CYB5D2: variants seen among roughly 807,000 people sequenced by gnomAD.
CYB5D2 encodes the protein neuferricin.
In CYB5D2, 23 loss-of-function variants were observed where a neutral mutation model predicts 22.8. The observed-to-expected ratio is 1.01, with a 90% confidence interval of 0.73 to 1.43. CYB5D2 has a LOEUF of 1.43. CYB5D2 is among the 40% of genes most tolerant of loss of function. CYB5D2 has a pLI of 0.00. For missense variants in CYB5D2, 373 were observed against 357.2 expected (o/e 1.04, Z -0.36); for synonymous variants, 170 against 152.2 (o/e 1.12, Z -0.86).
chr17:4,156,910 A>AT lies in CYB5D2; in HGVS notation c.624dup (p.Lys209Ter). ...TGGATTGGCGTCCCCAGGAAGCTGT[A>AT]TAAGCCAGGTGCTAAGGAGCCCCGC... is the stretch of plus-strand genomic sequence containing the variant. On this transcript the variant is annotated frameshift_variant, in exon 4 of 4. Transcript: ENST00000301391. LOFTEE classifies it high-confidence loss of function. The AT allele has an allele frequency of 2.5e-6, 4 of 1,612,848 alleles. No homozygotes were observed. Among genetic ancestry groups the AT allele is most frequent in the Non-Finnish European group, 3.4e-6 (4 of 1,180,032 alleles).
chr17:4,148,149 A>C (rs1307977408), intron 1 of CYB5D2, among the ~76,000 whole-genome samples: 1 of 152,198 alleles, frequency 6.6e-6, no homozygotes, highest in Non-Finnish European at 1.5e-5. Context: ...GGAGACAGGC[A>C]GACTGACACA....
At chr17:4,154,613 C>G in intron 2 of CYB5D2, 61 bp from the exon 3 acceptor site, 1 of 1,556,648 alleles carries the variant, frequency 6.4e-7, no homozygotes, top group Non-Finnish European at 8.7e-7. Context: ...TGTGCCTTCC[C>G]ACACCTGCCT....
chr17:4,154,348 C>T (rs760130418), intron 2 of CYB5D2, among the ~76,000 whole-genome samples: 11 of 152,316 alleles, frequency 7.2e-5, no homozygotes, highest in Non-Finnish European at 1.5e-4. Context: ...ATTGAATACC[C>T]AGCGTGTGCT....
At chr17:4,148,551 T>G (rs915465807) in intron 1 of CYB5D2, among the ~76,000 whole-genome samples, 1 of 146,686 alleles carries the variant, frequency 6.8e-6, no homozygotes, top group Non-Finnish European at 1.5e-5. Flanking sequence ...GGAACTGCAT[T>G]CCCCAGGCTG....
At chr17:4,155,012 A>G (rs993011459) in intron 3 of CYB5D2, 152 bp downstream of exon 3, 11 of 880,380 alleles carry the variant, frequency 1.2e-5, no homozygotes, top group East Asian at 2.8e-5. Flanking sequence ...TTGGCTGCAT[A>G]TTAGATCTTC....
chr17:4,150,611 G>A (rs561661299), intron 2 of CYB5D2, among the ~76,000 whole-genome samples: 11 of 152,290 alleles, frequency 7.2e-5, no homozygotes, highest in Admixed American at 2.0e-4. Context: ...TAGGCCCGGC[G>A]CAGTGGCTCA....
intron 2 of CYB5D2, among the ~76,000 whole-genome samples, chr17:4,153,441 G>A (rs2059079762): frequency 6.6e-6 from 1 of 152,226 alleles, no homozygotes; most frequent in African/African-American, 2.4e-5. Flanking sequence ...AAGCAAATCA[G>A]TTAAATGGTT....
chr17:4,156,152 C>A (rs574733585), intron 3 of CYB5D2, among the ~76,000 whole-genome samples: 1 of 152,380 alleles, frequency 6.6e-6, no homozygotes, highest in East Asian at 1.9e-4. Context: ...TCTGAGGCGT[C>A]AGTTCCAAGA....
Position 4,157,418 on chromosome 17 carries a change from A to T in CYB5D2, c.*336A>T, listed in dbSNP as rs1475074389. 5.0e-6 allele frequency: 2 copies of T among 400,778 alleles called. No homozygotes were observed. The highest frequency in any genetic ancestry group is 9.3e-6 in the Non-Finnish European group (2 of 214,678). The allele number at this position is 400,778 out of a possible 1,614,324, so 24.8% of individuals were successfully genotyped here. A position where few individuals can be genotyped will look rare whatever the true frequency, so the allele number is the denominator to read the frequency against. On this transcript the variant is annotated 3_prime_UTR_variant, in exon 4 of 4. Coordinates refer to ENST00000301391, the MANE Select transcript of CYB5D2 (RefSeq NM_144611.4). The surrounding 1 kb of genome is among the most constrained non-coding windows in gnomAD (Gnocchi z 4.4). The stretch of plus-strand genomic sequence containing the variant: ...TTACAACCAAAAGCCTGCTGAGTTG[A>T]TTACAGCTGGGCCAATACAGTACGA...
At position 4,157,246 on chromosome 17, in the gene CYB5D2, G is replaced by A. The variant is rs936901029; in HGVS notation, c.*164G>A. 1.2e-5 allele frequency: 10 copies of A among 808,194 alleles called. No individual in the cohort carries two copies. The highest frequency in any genetic ancestry group is 5.3e-5 in the South Asian group (3 of 56,484). The allele number at this position is 808,194 out of a possible 1,614,324, so 50.1% of individuals were successfully genotyped here. On this transcript the variant is annotated 3_prime_UTR_variant, in exon 4 of 4. Coordinates refer to ENST00000301391, the MANE Select transcript of CYB5D2 (RefSeq NM_144611.4). This position sits in a 1 kb window ranked among gnomAD's most constrained non-coding sequence, Gnocchi z 4.4. Reference sequence around the variant, plus strand: ...TGGCTCATGCCCCTTACCGTGGCTCGGCGTTGTGGTGCCTGAGGGACAGCC... The same window carrying A: ...TGGCTCATGCCCCTTACCGTGGCTCAGCGTTGTGGTGCCTGAGGGACAGCC...
rs941254567 is a variant in CYB5D2 at position 4,151,416 on chromosome 17, C to T, written c.391+1385C>T. On this transcript the variant is annotated intron_variant, in intron 2 of 3. Transcript: ENST00000301391. ...GAAAAGAATAAGAGCCAGGAGTGGT[C>T]TCTCACACCTGTAATCCTAACACTT... Among the ~76,000 whole-genome samples, 46 of 152,150 alleles carry T rather than the reference C, an allele frequency of 3.0e-4. 1 individual carries two copies. The highest frequency in any genetic ancestry group is 2.6e-4 in the Admixed American group (4 of 15,262).
At chr17:4,147,919 C>T (rs973327801) in intron 1 of CYB5D2, among the ~76,000 whole-genome samples, 4 of 152,132 alleles carry the variant, frequency 2.6e-5, no homozygotes, top group South Asian at 2.1e-4. Context: ...CAATGAATGA[C>T]GTGTTAAGGA....
In CYB5D2 at chr17:4,150,003, A is replaced by G. The variant is rs781086989; in HGVS notation, c.363A>G (p.Ser121=). Residue 121 remains serine (S), a synonymous_variant, in exon 2 of 4, where the codon TCA becomes TCG. Coordinates refer to ENST00000301391, the MANE Select transcript of CYB5D2 (RefSeq NM_144611.4). ...TGCTGACACTTCACAATTGGCTTTCATTCTATGAGAAGAATTATGTGTGTG... is the reference window on the plus strand; with the variant it reads ...TGCTGACACTTCACAATTGGCTTTCGTTCTATGAGAAGAATTATGTGTGTG... ...AEMLTLHNWL[S]FYEKNYVCVG... The G allele has an allele frequency of 1.2e-6, 2 of 1,614,160 alleles. No homozygotes were observed. The highest frequency in any genetic ancestry group is 3.3e-5 in the Admixed American group (2 of 60,008).
At position 4,149,667 on chromosome 17, in the gene CYB5D2, C is replaced by G. The variant is rs184347707; in HGVS notation, c.251-224C>G. Among the ~76,000 whole-genome samples, 211 of 152,200 alleles carry G rather than the reference C, an allele frequency of 1.4e-3. 1 individual carries two copies. The highest frequency in any genetic ancestry group is 3.3e-3 in the Admixed American group (51 of 15,282). On this transcript the variant is annotated intron_variant, in intron 1 of 3. Coordinates refer to ENST00000301391, the MANE Select transcript of CYB5D2 (RefSeq NM_144611.4). ...TACAAAAATTAGCCAGGCGTGGTGG[C>G]GGGCGCCTGTAATCCCCGCTACTCT...
Position 4,143,691 on chromosome 17 carries a change from T to C in CYB5D2, c.-65T>C. On this transcript the variant is annotated 5_prime_UTR_variant, in exon 1 of 4. Transcript: ENST00000301391. ...CGCCGATGACGTCACGCTCGGCGTC[T>C]CGGCCATCTTAGCTGTAGATAGAGG... 1 of 1,527,752 alleles carries C rather than the reference T, an allele frequency of 6.5e-7. No individual in the cohort carries two copies. The highest frequency in any genetic ancestry group is 8.8e-7 in the Non-Finnish European group (1 of 1,137,502). The allele number at this position is 1,527,752 out of a possible 1,614,324, so 94.6% of individuals were successfully genotyped here. A position where few individuals can be genotyped will look rare whatever the true frequency, so the allele number is the denominator to read the frequency against.
intron 3 of CYB5D2, among the ~76,000 whole-genome samples, 163 bp downstream of exon 3, chr17:4,155,023 T>TG (rs2059099364): frequency 6.6e-6 from 1 of 152,242 alleles, no homozygotes; most frequent in East Asian, 1.9e-4. Context: ...TTAGATCTTC[T>TG]GGGGAATTGC....
chr17:4,155,500 C>T (rs1275903941), intron 3 of CYB5D2, among the ~76,000 whole-genome samples: 5 of 152,174 alleles, frequency 3.3e-5, no homozygotes, highest in Admixed American at 6.5e-5. Context: ...CTTAAATGAG[C>T]GGAGCAAGGG....
chr17:4,143,654 C>G lies in CYB5D2; in HGVS notation c.-102C>G, dbSNP rs574260602. Reference sequence around the variant, plus strand: ...GAGCACTAGCGCGCGAGAGAGAGAGCGAGAGCGCGCGCGCCGATGACGTCA... The same window carrying G: ...GAGCACTAGCGCGCGAGAGAGAGAGGGAGAGCGCGCGCGCCGATGACGTCA... On this transcript the variant is annotated 5_prime_UTR_variant, in exon 1 of 4. Transcript: ENST00000301391. 212 of 1,477,078 alleles carry G rather than the reference C, an allele frequency of 1.4e-4. No individual in the cohort carries two copies. The African/African-American group carries it at 2.6e-3, about 18-fold the overall frequency. 91.5% of individuals were successfully genotyped at this position (1,477,078 alleles called of 1,614,324 possible). A position where few individuals can be genotyped will look rare whatever the true frequency, so the allele number is the denominator to read the frequency against.
rs2142993895 is a variant in CYB5D2 at position 4,149,948 on chromosome 17, A to G, written c.308A>G (p.Asp103Gly). 6.2e-7 allele frequency: 1 copy of G among 1,614,180 alleles called. No homozygotes were observed. Among genetic ancestry groups the G allele is most frequent in the Non-Finnish European group, 8.5e-7 (1 of 1,180,034 alleles). ...TGDCSEAGLV[D>G]DVSDLSAAEM... Reference sequence around the variant, plus strand: ...GACTGTTCTGAAGCAGGCCTCGTGGATGACGTATCCGACCTGTCAGCCGCT... The same window carrying G: ...GACTGTTCTGAAGCAGGCCTCGTGGGTGACGTATCCGACCTGTCAGCCGCT... The change falls in exon 2 of 4, where the codon GAT becomes GGT. Residue 103 changes from aspartate to glycine, a missense_variant. By Grantham distance (94) the Asp-to-Gly change is moderately conservative. Transcript: ENST00000301391.
Sources: allele counts gnomAD v4.1 joint callset (sites outside exome capture counted in the v4.1 genomes callset), GRCh38; gene constraint gnomAD v4.1.1; non-coding constraint Gnocchi (gnomAD v3.1); transcripts MANE v1.5; gene names NCBI Gene and HGNC (gene_info 2026-07-23, HGNC 2026-07-21).